The following TRMT44 variants were observed in gnomAD, a reference collection of about 807,000 sequenced individuals.
TRMT44 encodes probable tRNA (uracil-O(2)-)-methyltransferase.
Under a neutral mutation model 77.3 loss-of-function variants are expected in TRMT44, and 78 were observed. That is an observed-to-expected ratio of 1.01 (90% confidence interval 0.84 to 1.22). The LOEUF is 1.22. Among genes scored for constraint, TRMT44 ranks in the 50% most tolerant of loss-of-function variants. TRMT44 has a pLI of 0.00. For synonymous variants in TRMT44, 391 were observed against 383.3 expected (o/e 1.02, Z -0.23); for missense variants, 1,090 against 964.4 (o/e 1.13, Z -1.73).
intron 6 of TRMT44, among the ~76,000 whole-genome samples, chr4:8,457,398 G>A (rs895525206): frequency 6.6e-6 from 1 of 152,158 alleles, no homozygotes; most frequent in African/African-American, 2.4e-5. Flanking sequence ...GTTAGTAAGG[G>A]ACTACCTTTT....
chr4:8,475,003 G>T (rs373241089), intron 10 of TRMT44, among the ~76,000 whole-genome samples: 1 of 152,164 alleles, frequency 6.6e-6, no homozygotes, highest in African/African-American at 2.4e-5. Context: ...ACTTTCAGAG[G>T]GGGTATCTAA....
intron 2 of TRMT44, among the ~76,000 whole-genome samples, chr4:8,488,519 C>T (rs1380626781): frequency 6.6e-6 from 1 of 152,214 alleles, no homozygotes; most frequent in Non-Finnish European, 1.5e-5. Context: ...AAAGGACTTT[C>T]ACAAGGTAAT....
intron 6 of TRMT44, among the ~76,000 whole-genome samples, chr4:8,460,011 A>G (rs576879159): frequency 1.3e-5 from 2 of 152,296 alleles, no homozygotes; most frequent in African/African-American, 4.8e-5. Context: ...CAGCACATCT[A>G]TTCCACGCTG....
Position 8,458,131 on chromosome 4 carries a change from A to G in TRMT44, c.1203+3318A>G, listed in dbSNP as rs371623473. Among the ~76,000 whole-genome samples, 18 of 152,380 alleles carry G rather than the reference A, an allele frequency of 1.2e-4. No homozygotes were observed. In the East Asian group the frequency reaches 2.9e-3, roughly 24 times the overall value. ...GACTGCATTTGACTTCTTTTATGCC[A>G]TAGACTCTTCTGCGATATGCACTGA... On this transcript the variant is annotated intron_variant, in intron 6 of 10. Transcript: ENST00000389737.
chr4:8,487,476 G>A (rs1334397918), intron 2 of TRMT44, among the ~76,000 whole-genome samples: 3 of 152,058 alleles, frequency 2.0e-5, no homozygotes, highest in Non-Finnish European at 4.4e-5. Context: ...TGGAAATAAG[G>A]GATGGGGCGC....
chr4:8,450,138 T>C (rs1267425539), intron 3 of TRMT44, among the ~76,000 whole-genome samples: 1 of 151,820 alleles, frequency 6.6e-6, no homozygotes, highest in African/African-American at 2.4e-5. Flanking sequence ...GGCTAATTTT[T>C]TGTATTTTTA....
downstream of TRMT44, chr4:8,477,005 T>C (rs1417596724): frequency 6.6e-6 from 1 of 152,268 alleles, no homozygotes; most frequent in Non-Finnish European, 1.5e-5. Flanking sequence ...CCTCCCAAAG[T>C]GCTGGCATGA....
chr4:8,467,977 A>G lies in TRMT44; in HGVS notation c.1558A>G (p.Arg520Gly). The part of the protein sequence containing the change: ...SSREASVDEK[R>G]TQYIKSRRGC... ...CAGAGAAGCTTCCGTGGATGAAAAG[A>G]GGACTCAGTACATTAAGAGCAGGCG... The change falls in exon 9 of 11, where the codon AGG (arginine) becomes GGG (glycine). Residue 520 changes from arginine to glycine, a missense_variant. Arg to Gly is a moderately radical substitution (Grantham distance 125, BLOSUM62 -2). Transcript: ENST00000389737. The G allele has an allele frequency of 1.9e-6, 3 of 1,614,074 alleles. No homozygotes were observed. Among genetic ancestry groups the G allele is most frequent in the Non-Finnish European group, 2.5e-6 (3 of 1,180,008 alleles).
intron 8 of TRMT44, among the ~76,000 whole-genome samples, chr4:8,467,165 G>A (rs998756062): frequency 2.0e-5 from 3 of 152,222 alleles, no homozygotes. Context: ...GCCCCCGTAT[G>A]CACTCGCTGG....
chr4:8,465,835 G>A (rs1726507903), intron 8 of TRMT44, among the ~76,000 whole-genome samples: 1 of 152,198 alleles, frequency 6.6e-6, no homozygotes, highest in African/African-American at 2.4e-5. Flanking sequence ...TGGCCCCAGG[G>A]GACCTGCCCA....
At chr4:8,449,457 T>G (rs750002198) in intron 2 of TRMT44, among the ~76,000 whole-genome samples, 2 of 152,236 alleles carry the variant, frequency 1.3e-5, no homozygotes, top group Non-Finnish European at 2.9e-5. Context: ...AATATATCCT[T>G]AACAAAGTTT....
Position 8,475,797 on chromosome 4 carries a change from C to A in TRMT44, c.2070C>A (p.Arg690=). Residue 690 remains arginine, a synonymous_variant, in exon 11 of 11, where the codon CGC becomes CGA. Transcript: ENST00000389737. The part of the protein sequence containing the change: ...FQVVNGRVHI[R]DWREETLWKT... ...TTGTGAATGGGAGAGTTCACATCCG[C>A]GACTGGCGAGAGGAGACACTGTGGA... 1 of 1,614,110 alleles carries A rather than the reference C, an allele frequency of 6.2e-7. No homozygotes were observed. Among genetic ancestry groups the A allele is most frequent in the Non-Finnish European group, 8.5e-7 (1 of 1,180,034 alleles).
At chr4:8,504,239 T>C in the TRMT44 span, among the ~76,000 whole-genome samples, 6 of 152,156 alleles carry the variant, frequency 3.9e-5, no homozygotes, top group Middle Eastern at 3.2e-3. This position sits in a 1 kb window ranked among gnomAD's most constrained non-coding sequence, Gnocchi z 5.3. Context: ...CCTCCTCGGC[T>C]TTCCCCATGG....
chr4:8,493,505 G>C (rs755107200), exon 3 of TRMT44: 5 of 152,092 alleles, frequency 3.3e-5, no homozygotes, highest in African/African-American at 1.2e-4. Flanking sequence ...ATAAAACTCC[G>C]GTCTTCCACA....
chr4:8,457,693 C>G (rs112947152), intron 6 of TRMT44, among the ~76,000 whole-genome samples: 1,585 of 152,322 alleles, frequency 0.01, 29 homozygotes, highest in African/African-American at 0.036. Flanking sequence ...GCTACCGAGC[C>G]TGAAACAAAT....
intron 9 of TRMT44, among the ~76,000 whole-genome samples, chr4:8,470,616 C>T (rs760245189): frequency 6.6e-6 from 1 of 152,160 alleles, no homozygotes; most frequent in Non-Finnish European, 1.5e-5. Flanking sequence ...TAGTGCCTAG[C>T]ATGGCCTTGC....
chr4:8,447,689 CCT>C (rs1725148067), intron 2 of TRMT44, among the ~76,000 whole-genome samples: 1 of 152,154 alleles, frequency 6.6e-6, no homozygotes, highest in Non-Finnish European at 1.5e-5. Flanking sequence ...GTGCTCAGGC[CCT>C]GTAGCATGAA....
the TRMT44 span, among the ~76,000 whole-genome samples, chr4:8,502,860 G>A: frequency 6.6e-6 from 1 of 152,262 alleles, no homozygotes; most frequent in Non-Finnish European, 1.5e-5. Context: ...AGTGCCAGGA[G>A]GTGGGGAACA....
chr4:8,499,863 GAGTCAGGAGT>G, the TRMT44 span, among the ~76,000 whole-genome samples: 1 of 145,452 alleles, frequency 6.9e-6, no homozygotes, highest in African/African-American at 2.7e-5. Context: ...CTGAACTCCT[GAGTCAGGAGT>G]TTACTATATA....
Sources: allele counts gnomAD v4.1 joint callset (sites outside exome capture counted in the v4.1 genomes callset), GRCh38; gene constraint gnomAD v4.1.1; non-coding constraint Gnocchi (gnomAD v3.1); transcripts MANE v1.5; gene names NCBI Gene and HGNC (gene_info 2026-07-23, HGNC 2026-07-21).